CBLN2: variants seen among roughly 807,000 people sequenced by gnomAD.
CBLN2 encodes cerebellin 2 precursor.
CBLN2 carries 7 observed loss-of-function variants against 15.0 expected under a neutral mutation model. The ratio of observed to expected loss-of-function variants is 0.47; its 90% CI spans 0.27 to 0.88. The LOEUF (loss-of-function observed/expected upper bound fraction) is 0.88, where lower values mean the gene tolerates loss of function less well. Ranked by LOEUF, CBLN2 falls within the 40% of genes least tolerant of loss-of-function variation. The pLI, the probability that CBLN2 is intolerant of heterozygous loss-of-function variation, is 0.14. For missense variants in CBLN2, 242 were observed against 304.5 expected, an observed-to-expected ratio of 0.79 and a Z score of 1.53; for synonymous variants, 149 against 135.2, an observed-to-expected ratio of 1.10 and a Z score of -0.71.
intron 1 of CBLN2, among the ~76,000 whole-genome samples, chr18:72,624,662 T>C (rs1466316744): frequency 3.3e-5 from 5 of 152,088 alleles, no homozygotes; most frequent in Non-Finnish European, 7.4e-5. Context: ...AAACCTATCA[T>C]CTTAATTATC....
chr18:72,538,884 CA>C, intron 3 of CBLN2, 112 bp from the exon 4 acceptor site: 5 of 1,379,462 alleles, frequency 3.6e-6, no homozygotes, highest in Non-Finnish European at 4.9e-6. Flanking sequence ...GCTGGGAACA[CA>C]AATTCAGCAT....
intron 1 of CBLN2, among the ~76,000 whole-genome samples, chr18:72,554,166 G>T (rs1430395582): frequency 6.6e-6 from 1 of 152,002 alleles, no homozygotes; most frequent in Non-Finnish European, 1.5e-5. Flanking sequence ...ATTCTTATTT[G>T]CTGTTTTCAT....
In CBLN2 at chr18:72,555,319, G is replaced by A. The variant is rs138698164; in HGVS notation, c.16-16547C>T. Among the ~76,000 whole-genome samples, 441 of 152,228 alleles carry A rather than the reference G, an allele frequency of 2.9e-3. 6 individuals are homozygous for A. The highest frequency in any genetic ancestry group is 0.025 in the Admixed American group (383 of 15,270). Reference sequence around the variant, plus strand: ...ATCTACTTTCAATATGTGTTCAAAAGTCTGTCGTGGTTGCTAAGGTATTCA... The same window carrying A: ...ATCTACTTTCAATATGTGTTCAAAAATCTGTCGTGGTTGCTAAGGTATTCA... On this transcript the variant is annotated intron_variant, in intron 1 of 2. Transcript: ENST00000581073.
chr18:72,574,928 C>T (rs2069355118), intron 1 of CBLN2, among the ~76,000 whole-genome samples: 1 of 152,114 alleles, frequency 6.6e-6, no homozygotes, highest in Non-Finnish European at 1.5e-5. Context: ...GAAATGCAAG[C>T]AACGCTTGTG....
intron 1 of CBLN2, among the ~76,000 whole-genome samples, chr18:72,592,047 A>T (rs2069483164): frequency 6.6e-6 from 1 of 152,038 alleles, no homozygotes; most frequent in African/African-American, 2.4e-5. Flanking sequence ...TAGTTTTTTG[A>T]AGAGGCTCTT....
At chr18:72,594,213 A>G (rs982317743) in intron 1 of CBLN2, among the ~76,000 whole-genome samples, 8 of 152,178 alleles carry the variant, frequency 5.3e-5, no homozygotes, top group Non-Finnish European at 1.0e-4. Flanking sequence ...GCAAACCACC[A>G]TAGCATGTGT....
At chr18:72,630,541 TCC>T (rs1491335315) in intron 1 of CBLN2, among the ~76,000 whole-genome samples, 2 of 86,586 alleles carry the variant, frequency 2.3e-5, no homozygotes, top group African/African-American at 1.2e-4. Flanking sequence ...CTCACAACCC[TCC>T]CCCCCACACA....
At chr18:72,559,728 T>C (rs1598998418) in intron 1 of CBLN2, among the ~76,000 whole-genome samples, 1 of 152,220 alleles carries the variant, frequency 6.6e-6, no homozygotes, top group Non-Finnish European at 1.5e-5. Context: ...AAGGCAATGC[T>C]GAGTGACATG....
At chr18:72,554,319 A>G (rs1449970768) in intron 1 of CBLN2, among the ~76,000 whole-genome samples, 5 of 152,116 alleles carry the variant, frequency 3.3e-5, no homozygotes, top group Admixed American at 6.6e-5. Flanking sequence ...AGAAAAATAA[A>G]CATTTTCTTT....
intron 1 of CBLN2, among the ~76,000 whole-genome samples, chr18:72,604,991 G>C (rs988866576): frequency 6.6e-6 from 1 of 152,200 alleles, no homozygotes; most frequent in African/African-American, 2.4e-5. Context: ...ACCTCAGCCT[G>C]TCACAGAAGA....
At chr18:72,563,103 C>G (rs983954907) in intron 1 of CBLN2, among the ~76,000 whole-genome samples, 1 of 152,192 alleles carries the variant, frequency 6.6e-6, no homozygotes, top group Non-Finnish European at 1.5e-5. Flanking sequence ...GCGATGCTCT[C>G]TCACACAAAG....
chr18:72,578,059 G>A (rs907831734), intron 1 of CBLN2, among the ~76,000 whole-genome samples: 22 of 152,212 alleles, frequency 1.4e-4, no homozygotes, highest in African/African-American at 4.8e-4. Context: ...TGAGGGAATC[G>A]GCGACTAAGT....
At chr18:72,587,839 T>C (rs759939976) in intron 1 of CBLN2, among the ~76,000 whole-genome samples, 2 of 152,368 alleles carry the variant, frequency 1.3e-5, no homozygotes, top group East Asian at 3.9e-4. Flanking sequence ...ATATCCAGTA[T>C]ACTAAACTGC....
At chr18:72,586,140 C>G (rs2069441267) in intron 1 of CBLN2, among the ~76,000 whole-genome samples, 1 of 152,182 alleles carries the variant, frequency 6.6e-6, no homozygotes, top group Non-Finnish European at 1.5e-5. Context: ...GTTCCTGGCT[C>G]CCCGCTTGCT....
At chr18:72,627,103 C>G (rs1027280068) in intron 1 of CBLN2, among the ~76,000 whole-genome samples, 1 of 152,050 alleles carries the variant, frequency 6.6e-6, no homozygotes, top group Non-Finnish European at 1.5e-5. Context: ...TGTAAAAACA[C>G]AGAATATTAA....
chr18:72,632,294 G>A (rs1332941032), intron 1 of CBLN2, among the ~76,000 whole-genome samples: 1 of 151,964 alleles, frequency 6.6e-6, no homozygotes, highest in Non-Finnish European at 1.5e-5. Context: ...TTTTGATAAG[G>A]TAATGTTTTA....
chr18:72,611,132 A>C (rs1216274972), intron 1 of CBLN2, among the ~76,000 whole-genome samples: 1 of 152,146 alleles, frequency 6.6e-6, no homozygotes, highest in Non-Finnish European at 1.5e-5. Flanking sequence ...TTCTTTATCC[A>C]ATCTACCATT....
intron 1 of CBLN2, among the ~76,000 whole-genome samples, chr18:72,598,788 C>T (rs754595072): frequency 6.6e-6 from 1 of 152,228 alleles, no homozygotes; most frequent in Non-Finnish European, 1.5e-5. Flanking sequence ...CTTGCATGGA[C>T]ATCAGCTGAG....
chr18:72,542,297 G>T lies in CBLN2; in HGVS notation c.-137C>A. ...CCCGGCTCTGACGTTCAAGGCCAGG[G>T]TCGTTCTCAGAAGAAAGGCGCCTGT... On this transcript the variant is annotated 5_prime_UTR_variant, in exon 3 of 5. Transcript: ENST00000269503. 2.3e-6 allele frequency: 1 copy of T among 444,258 alleles called. No homozygotes were observed. Among genetic ancestry groups the T allele is most frequent in the Non-Finnish European group, 3.3e-6 (1 of 300,356 alleles). The allele number at this position is 444,258 out of a possible 1,614,324, so 27.5% of individuals were successfully genotyped here.
Sources: allele counts gnomAD v4.1 joint callset (sites outside exome capture counted in the v4.1 genomes callset), GRCh38; gene constraint gnomAD v4.1.1; transcripts MANE v1.5; gene names NCBI Gene and HGNC (gene_info 2026-07-23, HGNC 2026-07-21).